Variants in PACSIN1 observed in about 807,000 individuals in gnomAD.
PACSIN1 encodes protein kinase C and casein kinase substrate in neurons protein 1.
Under a neutral mutation model 59.5 loss-of-function variants are expected in PACSIN1, and 15 were observed. The observed-to-expected ratio is 0.25, with a 90% CI of 0.17 to 0.39. PACSIN1 has a LOEUF of 0.39. Ranked by LOEUF, PACSIN1 falls within the 10% of genes least tolerant of loss-of-function variation. PACSIN1 has a pLI of 1.00. For synonymous variants in PACSIN1, 210 were observed against 220.6 expected (o/e 0.95, Z 0.42); for missense variants, 420 against 580.2 (o/e 0.72, Z 2.84).
intron 1 of PACSIN1, among the ~76,000 whole-genome samples, chr6:34,519,801 C>T (rs928484110): frequency 2.6e-5 from 4 of 152,148 alleles, no homozygotes; most frequent in African/African-American, 9.7e-5. Flanking sequence ...AACTAACTTG[C>T]CAAGGTCAGT....
At chr6:34,477,656 C>T (rs1395613581) in intron 1 of PACSIN1, among the ~76,000 whole-genome samples, 1 of 152,202 alleles carries the variant, frequency 6.6e-6, no homozygotes, top group Non-Finnish European at 1.5e-5. Flanking sequence ...AGCTAGACTT[C>T]TACAAAGAAC....
intron 1 of PACSIN1, among the ~76,000 whole-genome samples, chr6:34,510,295 T>A (rs368079333): frequency 2.0e-5 from 3 of 152,386 alleles, no homozygotes; most frequent in South Asian, 4.1e-4. Context: ...AAAACATAGT[T>A]TGGATCCCTT....
Position 34,516,960 on chromosome 6 carries a change from G to A in PACSIN1, c.-63-9283G>A, listed in dbSNP as rs555763598. The stretch of plus-strand genomic sequence containing the variant: ...GGGACACAGGAACAATCTGGCTCCC[G>A]GCTGGCCCCTCCTCACTGCCCTTGA... On this transcript the variant is annotated intron_variant, in intron 1 of 9. Coordinates refer to ENST00000244458, the MANE Select transcript of PACSIN1 (RefSeq NM_020804.5). The surrounding 1 kb of genome is among the most constrained non-coding windows in gnomAD (Gnocchi z 5.4). Among the ~76,000 whole-genome samples the A allele has an allele frequency of 1.1e-3, 162 of 152,246 alleles. No homozygotes were observed. Among genetic ancestry groups the A allele is most frequent in the Non-Finnish European group, 2.0e-3 (134 of 67,998 alleles).
intron 1 of PACSIN1, among the ~76,000 whole-genome samples, chr6:34,477,513 C>G (rs1302081007): frequency 1.3e-5 from 2 of 152,010 alleles, no homozygotes; most frequent in African/African-American, 4.8e-5. Context: ...ACCAGGGGCA[C>G]AGAAAGATGA....
chr6:34,485,444 C>T (rs1766779031), intron 1 of PACSIN1, among the ~76,000 whole-genome samples: 1 of 151,872 alleles, frequency 6.6e-6, no homozygotes, highest in Non-Finnish European at 1.5e-5. Flanking sequence ...TGGCTGGATT[C>T]TGGGTATATT....
At chr6:34,493,441 C>T (rs1406313914) in intron 1 of PACSIN1, among the ~76,000 whole-genome samples, 2 of 152,196 alleles carry the variant, frequency 1.3e-5, no homozygotes, top group Middle Eastern at 3.2e-3. Context: ...GGTGGAAGTG[C>T]TGGTCTAAGG....
chr6:34,509,344 T>C lies in PACSIN1; in HGVS notation c.-63-16899T>C, dbSNP rs575951068. Among the ~76,000 whole-genome samples, 3 of 152,308 alleles carry C rather than the reference T, an allele frequency of 2.0e-5. 1 individual carries two copies. In the South Asian group the frequency reaches 6.2e-4, roughly 32 times the overall value. ...GATCTGTTGATCATATATGTATGGG[T>C]TTATTTCTGGGATCTTCATTCTGTT... On this transcript the variant is annotated intron_variant, in intron 1 of 9. Coordinates refer to ENST00000244458, the MANE Select transcript of PACSIN1 (RefSeq NM_020804.5).
At chr6:34,475,100 A>G (rs564419755) in intron 1 of PACSIN1, among the ~76,000 whole-genome samples, 1 of 152,206 alleles carries the variant, frequency 6.6e-6, no homozygotes, top group East Asian at 1.9e-4. Context: ...CTACTTTATC[A>G]TCTTCATAGC....
chr6:34,523,743 G>C (rs1767437143), intron 1 of PACSIN1, among the ~76,000 whole-genome samples: 1 of 152,210 alleles, frequency 6.6e-6, no homozygotes, highest in Non-Finnish European at 1.5e-5. Flanking sequence ...GTCCAGAGTT[G>C]AGCCTCCTGC....
chr6:34,523,354 C>T (rs1480691095), intron 1 of PACSIN1, among the ~76,000 whole-genome samples: 1 of 152,238 alleles, frequency 6.6e-6, no homozygotes, highest in Non-Finnish European at 1.5e-5. Flanking sequence ...GGTACCTGGA[C>T]AAGCTCTGTC....
chr6:34,495,169 CT>C (rs1336983634), intron 1 of PACSIN1, among the ~76,000 whole-genome samples: 15 of 152,280 alleles, frequency 9.9e-5, no homozygotes, highest in African/African-American at 3.4e-4. Context: ...GCTGAGTGCG[CT>C]TATTTATACT....
rs185497925 is a variant in PACSIN1, at chr6:34,512,022, T to C, written c.-63-14221T>C. 3.3e-5 allele frequency among the ~76,000 whole-genome samples: 5 copies of C among 152,064 alleles called. No individual in the cohort carries two copies. The East Asian group carries it at 7.7e-4, about 24-fold the overall frequency. ...TAAGGTCCAGGAACAGGAGCTGAGG[T>C]TGGGCATGGAGTGTGTGTGTGTGTA... On this transcript the variant is annotated intron_variant, in intron 1 of 9. Transcript: ENST00000244458.
At position 34,527,491 on chromosome 6, in the gene PACSIN1, G is replaced by T. The variant is rs909751017; in HGVS notation, c.220+3G>T. ...TTGGCGCCAGCTCATCGAGAAAGGT[G>T]CTCCCCCAGGCTCACATCGTGCGCG... On this transcript the variant is annotated splice_donor_region_variant and intron_variant, in intron 3 of 9. Coordinates refer to ENST00000244458, the MANE Select transcript of PACSIN1 (RefSeq NM_020804.5). 10 of 1,583,914 alleles carry T rather than the reference G, an allele frequency of 6.3e-6. No individual in the cohort carries two copies. The Admixed American group carries it at 1.3e-4, about 20-fold the overall frequency.
At chr6:34,473,910 T>C (rs1199936312) in intron 1 of PACSIN1, among the ~76,000 whole-genome samples, 2 of 152,202 alleles carry the variant, frequency 1.3e-5, no homozygotes, top group Non-Finnish European at 2.9e-5. Context: ...CTAAGAAGTA[T>C]TAATTCCTTT....
Position 34,531,737 on chromosome 6 carries a change from C to T in PACSIN1, c.1175C>T (p.Ala392Val). The T allele has an allele frequency of 6.3e-7, 1 of 1,596,108 alleles. No homozygotes were observed. The highest frequency in any genetic ancestry group is 8.6e-7 in the Non-Finnish European group (1 of 1,169,264). Residue 392 changes from alanine (A) to valine (V), a missense_variant, in exon 9 of 10, where the codon GCA becomes GTA. By Grantham distance (64) the Ala-to-Val change is moderately conservative. Coordinates refer to ENST00000244458, the MANE Select transcript of PACSIN1 (RefSeq NM_020804.5). This position sits in a 1 kb window ranked among gnomAD's most constrained non-coding sequence, Gnocchi z 4.4. ...EDDSKGVRVRALYDYDGQEQD... is the reference protein window; with the variant it reads ...EDDSKGVRVRVLYDYDGQEQD... Reference sequence around the variant, plus strand: ...GACTCCAAGGGAGTGCGCGTGCGGGCACTCTACGACTATGACGGCCAGGAG... The same window carrying T: ...GACTCCAAGGGAGTGCGCGTGCGGGTACTCTACGACTATGACGGCCAGGAG...
chr6:34,484,578 G>A (rs1019640896), intron 1 of PACSIN1, among the ~76,000 whole-genome samples: 2 of 152,018 alleles, frequency 1.3e-5, no homozygotes, highest in East Asian at 1.9e-4. Flanking sequence ...ACCACCAAGA[G>A]TGAACCCTAA....
rs1261521277 is a variant in PACSIN1, at chr6:34,518,918, C to T, written c.-63-7325C>T. 1.3e-5 allele frequency among the ~76,000 whole-genome samples: 2 copies of T among 152,224 alleles called. No individual in the cohort carries two copies. The highest frequency in any genetic ancestry group is 2.9e-5 in the Non-Finnish European group (2 of 68,042). ...CCCACCTGAAACAGGCTTAGAGGCC[C>T]TCTAAAGATGTGGGCTGTGCAAAAT... On this transcript the variant is annotated intron_variant, in intron 1 of 9. Transcript: ENST00000244458. This position sits in a 1 kb window ranked among gnomAD's most constrained non-coding sequence, Gnocchi z 4.4.
intron 1 of PACSIN1, among the ~76,000 whole-genome samples, chr6:34,489,576 C>T (rs1411500333): frequency 6.6e-6 from 1 of 152,182 alleles, no homozygotes; most frequent in East Asian, 1.9e-4. Context: ...GCCCCGCAGG[C>T]CAAAGCACCA....
At chr6:34,506,058 A>G (rs1266956896) in intron 1 of PACSIN1, among the ~76,000 whole-genome samples, 1 of 152,056 alleles carries the variant, frequency 6.6e-6, no homozygotes, top group Non-Finnish European at 1.5e-5. Flanking sequence ...CATTTGTTTC[A>G]AACATGTTCA....
Sources: gnomAD v4.1 joint callset for allele counts (sites outside exome capture counted in the v4.1 genomes callset) on GRCh38, gnomAD v4.1.1 for gene constraint, Gnocchi (gnomAD v3.1) non-coding constraint, MANE v1.5 for transcripts, NCBI Gene and HGNC (gene_info 2026-07-23, HGNC 2026-07-21) for gene names.